INSR: variants seen among roughly 807,000 people sequenced by gnomAD.
The protein encoded by INSR is IR.
In INSR, 67 loss-of-function variants were observed where a neutral mutation model predicts 142.6. That is an observed-to-expected ratio of 0.47 (90% confidence interval 0.39 to 0.58). The LOEUF is 0.58. Among genes scored for constraint, INSR ranks in the 20% least tolerant of loss-of-function variants. INSR has a pLI of 0.00. For synonymous variants in INSR, 756 were observed against 743.1 expected (o/e 1.02, Z -0.28); for missense variants, 1,248 against 1,833.2 (o/e 0.68, Z 5.83).
rs1356067421 is a variant in INSR, at chr19:7,114,209, C to T, written c.*2847G>A. On this transcript the variant is annotated 3_prime_UTR_variant, in exon 22 of 22. Coordinates refer to ENST00000302850, the MANE Select transcript of INSR (RefSeq NM_000208.4). ...CAGCCTGAAAGGAGTGGGCATAAAC[C>T]ATCAGGGAGCCCAGGGCACCTTTGT... 6.6e-6 allele frequency: 1 copy of T among 152,124 alleles called. No individual in the cohort carries two copies. Among genetic ancestry groups the T allele is most frequent in the Non-Finnish European group, 1.5e-5 (1 of 68,030 alleles). The allele number at this position is 152,124 out of a possible 1,614,324, so 9.4% of individuals were successfully genotyped here. A position where few individuals can be genotyped will look rare whatever the true frequency, so the allele number is the denominator to read the frequency against.
At chr19:7,130,774 CCT>C (rs71873129) in intron 14 of INSR, among the ~76,000 whole-genome samples, 24,947 of 151,370 alleles carry the variant, frequency 0.16, 2,522 homozygotes, top group African/African-American at 0.29. Flanking sequence ...TCTTCCTCTT[CCT>C]CTCTCTCTTC....
intron 2 of INSR, among the ~76,000 whole-genome samples, chr19:7,206,239 C>T (rs1975102056): frequency 6.6e-6 from 1 of 152,136 alleles, no homozygotes; most frequent in East Asian, 1.9e-4. Context: ...GTGATCATAG[C>T]TCACTGCAGC....
In INSR at chr19:7,184,227, GCA is replaced by G. The variant is rs1974354969; in HGVS notation, c.974+87_974+88del. 17 of 1,176,002 alleles carry G rather than the reference GCA, an allele frequency of 1.4e-5. No individual in the cohort carries two copies. The South Asian group carries it at 2.2e-4, about 15-fold the overall frequency. The allele number at this position is 1,176,002 out of a possible 1,614,324, so 72.8% of individuals were successfully genotyped here. On this transcript the variant is annotated intron_variant, in intron 3 of 21. Transcript: ENST00000302850. ...CTCATAGCCAATTAACCCTGGGTTT[GCA>G]CACAGTTTTAACAAGCGGCATCGTC...
intron 1 of INSR, among the ~76,000 whole-genome samples, chr19:7,290,467 C>G (rs1475446318): frequency 2.0e-5 from 3 of 151,912 alleles, no homozygotes; most frequent in Non-Finnish European, 4.4e-5. Flanking sequence ...CTCCACCCTT[C>G]ATCCCAATCA....
At chr19:7,227,477 T>C (rs11879297) in intron 2 of INSR, among the ~76,000 whole-genome samples, 9,623 of 152,152 alleles carry the variant, frequency 0.063, 766 homozygotes, top group East Asian at 0.22. Flanking sequence ...TTCACCAAGT[T>C]GCCCAGGCTG....
At chr19:7,151,267 T>G (rs1459984346) in intron 10 of INSR, among the ~76,000 whole-genome samples, 1 of 150,700 alleles carries the variant, frequency 6.6e-6, no homozygotes, top group Non-Finnish European at 1.5e-5. Flanking sequence ...CCTTTCTTTC[T>G]TTCTTTTTTT....
intron 9 of INSR, among the ~76,000 whole-genome samples, chr19:7,153,224 C>CA (rs1973464780): frequency 3.1e-3 from 1 of 320 alleles, no homozygotes. Context: ...CACACACACG[C>CA]ACCACACACA....
intron 2 of INSR, among the ~76,000 whole-genome samples, chr19:7,231,302 T>TTG (rs1446837246): frequency 2.7e-5 from 4 of 145,746 alleles, no homozygotes; most frequent in African/African-American, 1.0e-4. Context: ...TTTGTTTTTT[T>TTG]TTTTTTTTTT....
intron 15 of INSR, among the ~76,000 whole-genome samples, chr19:7,127,936 G>T (rs1422008262): frequency 6.6e-6 from 1 of 151,888 alleles, no homozygotes; most frequent in African/African-American, 2.4e-5. Context: ...TAGAGACGGG[G>T]TTTCACCATG....
At chr19:7,257,619 T>A (rs1976936228) in intron 2 of INSR, among the ~76,000 whole-genome samples, 1 of 151,816 alleles carries the variant, frequency 6.6e-6, no homozygotes, top group Admixed American at 6.6e-5. Flanking sequence ...TACCCCACAT[T>A]TTTTTTTCTT....
chr19:7,282,626 G>C (rs1469123206), intron 1 of INSR, among the ~76,000 whole-genome samples: 1 of 150,740 alleles, frequency 6.6e-6, no homozygotes, highest in African/African-American at 2.4e-5. Flanking sequence ...AGGTTGCAGT[G>C]AGCTGAGATC....
intron 2 of INSR, among the ~76,000 whole-genome samples, chr19:7,249,599 G>A (rs1976642892): frequency 6.6e-6 from 1 of 152,136 alleles, no homozygotes; most frequent in Non-Finnish European, 1.5e-5. Context: ...TAATCCCATT[G>A]AATTGGGGGA....
rs1453361781 is a variant in INSR, at chr19:7,114,718, G to C, written c.*2338C>G. 2 of 152,494 alleles carry C rather than the reference G, an allele frequency of 1.3e-5. No homozygotes were observed. Among genetic ancestry groups the C allele is most frequent in the South Asian group, 2.1e-4 (1 of 4,834 alleles). 9.4% of individuals were successfully genotyped at this position (152,494 alleles called of 1,614,324 possible). On this transcript the variant is annotated 3_prime_UTR_variant, in exon 22 of 22. Transcript: ENST00000302850. ...CCCATTCACCTGTTTATTTTTCTTT[G>C]ATAAAAATTTACATGCGCTCCATTT...
intron 9 of INSR, among the ~76,000 whole-genome samples, chr19:7,157,086 T>G (rs1568453299): frequency 6.6e-6 from 1 of 152,212 alleles, no homozygotes; most frequent in Non-Finnish European, 1.5e-5. Flanking sequence ...GTTCACGCCA[T>G]TCTCCTGCCT....
At chr19:7,235,971 C>CTTTTT (rs34478636) in intron 2 of INSR, among the ~76,000 whole-genome samples, 2 of 129,878 alleles carry the variant, frequency 1.5e-5, no homozygotes, top group Admixed American at 8.2e-5. Context: ...CTGGCCTTTC[C>CTTTTT]TTTTTTTTTT....
chr19:7,225,235 C>A lies in INSR; in HGVS notation c.653-40598G>T, dbSNP rs867954626. The stretch of plus-strand genomic sequence containing the variant: ...CATGGTCACACAGCTATTGAGCGGC[C>A]GAGCCACAAGAAGACACTTGCTCCA... On this transcript the variant is annotated intron_variant, in intron 2 of 21. Coordinates refer to ENST00000302850, the MANE Select transcript of INSR (RefSeq NM_000208.4). The surrounding 1 kb of genome is among the most constrained non-coding windows in gnomAD (Gnocchi z 4.7). Among the ~76,000 whole-genome samples, 1 of 151,950 alleles carries A rather than the reference C, an allele frequency of 6.6e-6. No individual in the cohort carries two copies. The highest frequency in any genetic ancestry group is 2.4e-5 in the African/African-American group (1 of 41,412).
intron 9 of INSR, among the ~76,000 whole-genome samples, chr19:7,153,337 C>CATACCACA (rs1568449880): frequency 5.8e-5 from 5 of 86,776 alleles, no homozygotes; most frequent in East Asian, 1.8e-3. Context: ...CACACCCACG[C>CATACCACA]CACACACCAC....
chr19:7,244,184 A>G (rs892965049), intron 2 of INSR, among the ~76,000 whole-genome samples: 15 of 152,212 alleles, frequency 9.9e-5, no homozygotes, highest in Admixed American at 4.6e-4. Flanking sequence ...GAAATCAGGA[A>G]CCATCGTCAC....
intron 4 of INSR, among the ~76,000 whole-genome samples, chr19:7,173,011 G>T (rs1041817637): frequency 2.0e-5 from 3 of 152,148 alleles, no homozygotes; most frequent in Non-Finnish European, 2.9e-5. Context: ...TAGCTGACAT[G>T]GGTCTATGGC....
Sources: gnomAD v4.1 joint callset for allele counts (sites outside exome capture counted in the v4.1 genomes callset) on GRCh38, gnomAD v4.1.1 for gene constraint, Gnocchi (gnomAD v3.1) non-coding constraint, MANE v1.5 for transcripts, NCBI Gene and HGNC (gene_info 2026-07-23, HGNC 2026-07-21) for gene names.